The following ODF2 variants were observed in gnomAD, a reference collection of about 807,000 sequenced individuals.
The protein encoded by ODF2 is outer dense fiber of sperm tails 2, also known as outer dense fiber protein 2.
In ODF2, 47 loss-of-function variants were observed where a neutral mutation model predicts 110.2. The observed-to-expected ratio is 0.43, with a 90% CI of 0.34 to 0.54. The LOEUF (loss-of-function observed/expected upper bound fraction) is 0.54. ODF2 is among the 20% of genes least tolerant of loss of function. The probability of loss-of-function intolerance (pLI) is 0.03; values close to 1 mark genes in which losing one functional copy is unlikely to be tolerated. For synonymous variants in ODF2, 352 were observed against 397.7 expected, an observed-to-expected ratio of 0.89 and a Z score of 1.37; for missense variants, 812 against 1,054.5, an observed-to-expected ratio of 0.77 and a Z score of 3.19.
At chr9:128,470,127 G>T (rs1269757731) in intron 5 of ODF2, among the ~76,000 whole-genome samples, 2 of 145,254 alleles carry the variant, frequency 1.4e-5, no homozygotes, top group Admixed American at 1.4e-4. Flanking sequence ...TCTTGGGGTG[G>T]GATGTGACAA....
rs115857866 is a variant in ODF2 at position 128,456,564 on chromosome 9, C to T, written c.-209+309C>T. 2.3e-3 allele frequency: 3,565 copies of T among 1,527,266 alleles called. 70 individuals carry two copies. In the African/African-American group the frequency reaches 0.043, roughly 18 times the overall value. The allele number at this position is 1,527,266 out of a possible 1,614,324, so 94.6% of individuals were successfully genotyped here. On this transcript the variant is annotated intron_variant, in intron 1 of 20. Transcript: ENST00000604420. ...CTCTCTATGGGCAGAAACCGGTACC[C>T]TCCTGCCTGCTGGTGGGTGGCCGTC...
chr9:128,496,486 T>C (rs926295203), intron 18 of ODF2, among the ~76,000 whole-genome samples: 1 of 152,212 alleles, frequency 6.6e-6, no homozygotes, highest in African/African-American at 2.4e-5. Flanking sequence ...CCCACTCTTT[T>C]CTGCCCTTTC....
intron 18 of ODF2, 137 bp from the exon 19 acceptor site, chr9:128,498,276 T>C: frequency 7.5e-7 from 1 of 1,333,670 alleles, no homozygotes; most frequent in Non-Finnish European, 9.8e-7. Context: ...GCAGATTTCT[T>C]TGGCTTATTC....
intron 1 of ODF2, 174 bp downstream of exon 1, chr9:128,456,429 C>G: frequency 1.3e-6 from 2 of 1,497,484 alleles, no homozygotes; most frequent in Non-Finnish European, 1.8e-6. Flanking sequence ...CGCCCACCGG[C>G]GCGGGGCCTC....
upstream of ODF2, chr9:128,456,077 G>A (rs931484311): frequency 6.5e-7 from 1 of 1,536,670 alleles, no homozygotes; most frequent in African/African-American, 1.4e-5. Context: ...CTCCCGGGGG[G>A]GTTTGAACTG....
intron 1 of ODF2, chr9:128,456,659 T>A: frequency 6.8e-7 from 1 of 1,471,332 alleles, no homozygotes; most frequent in Non-Finnish European, 9.0e-7. Flanking sequence ...GACCGCCTCG[T>A]CCTCTCCTCG....
chr9:128,460,928 G>T lies in ODF2; in HGVS notation c.124-14G>T, dbSNP rs1836281674. On this transcript the variant is annotated splice_polypyrimidine_tract_variant and intron_variant, in intron 3 of 20. Transcript: ENST00000604420. ...TGGGTGTGGAAGTGACCCTGGGTTT[G>T]TCCCTTTCCACAGAAATCTCACAAG... The T allele has an allele frequency of 1.2e-6, 2 of 1,614,072 alleles. No individual in the cohort carries two copies. Among genetic ancestry groups the T allele is most frequent in the Admixed American group, 3.3e-5 (2 of 60,002 alleles).
intron 17 of ODF2, among the ~76,000 whole-genome samples, chr9:128,495,169 T>G (rs1189138732): frequency 6.6e-6 from 1 of 152,242 alleles, no homozygotes; most frequent in African/African-American, 2.4e-5. Flanking sequence ...TCCAAGAAAT[T>G]ATATACCACT....
At chr9:128,486,144 T>C (rs1416469779) in intron 13 of ODF2, among the ~76,000 whole-genome samples, 2 of 152,084 alleles carry the variant, frequency 1.3e-5, no homozygotes, top group African/African-American at 4.8e-5. Context: ...CTCTACTCTG[T>C]AGAGGAGATA....
chr9:128,481,585 T>C (rs1228482882), exon 9 of ODF2: 1 of 1,613,472 alleles, frequency 6.2e-7, no homozygotes, highest in Admixed American at 1.7e-5. Flanking sequence ...TGAAGGATTC[T>C]GAAAGACTAA....
chr9:128,467,764 C>T (rs1838648070), intron 4 of ODF2, among the ~76,000 whole-genome samples: 1 of 124,144 alleles, frequency 8.1e-6, no homozygotes, highest in Admixed American at 8.3e-5. Flanking sequence ...AAAAAAAAAG[C>T]AAAGTGTTTA....
In ODF2 at chr9:128,464,358, A is replaced by T. The variant is rs189215967; in HGVS notation, c.249+3291A>T. ...TTTAATAGAGACGGGGTTTCACCAT[A>T]TTGGCCAGGCTGGTCTCGAACTCTT... On this transcript the variant is annotated intron_variant, in intron 4 of 20. Transcript: ENST00000604420. Among the ~76,000 whole-genome samples, 724 of 144,084 alleles carry T rather than the reference A, an allele frequency of 5.0e-3. 4 individuals are homozygous for T. Among genetic ancestry groups the T allele is most frequent in the African/African-American group, 0.018 (687 of 38,578 alleles). 94.5% of individuals were successfully genotyped at this position (144,084 alleles called of 152,430 possible).
At chr9:128,473,817 A>G (rs887367498) in intron 8 of ODF2, 76 bp downstream of exon 8, 1 of 1,414,112 alleles carries the variant, frequency 7.1e-7, no homozygotes, top group Non-Finnish European at 9.8e-7. Flanking sequence ...TGTCTGTAAA[A>G]AGAAAATAAG....
At position 128,459,637 on chromosome 9, in the gene ODF2, G is replaced by A. The variant is rs143901110; in HGVS notation, c.103G>A (p.Ala35Thr). The A allele has an allele frequency of 4.8e-4, 779 of 1,613,220 alleles. 1 individual carries two copies. The highest frequency in any genetic ancestry group is 1.6e-3 in the Middle Eastern group (10 of 6,080). ...AAAGGTCTTGAGAGCACCTTGTGGCGCACCCAGTGTAACTGTGACGGTAGG... is the reference window on the plus strand; with the variant it reads ...AAAGGTCTTGAGAGCACCTTGTGGCACACCCAGTGTAACTGTGACGGTAGG... Residue 35 changes from alanine to threonine, a missense_variant, in exon 3 of 21, where the codon GCA becomes ACA. By Grantham distance (58) the Ala-to-Thr change is moderately conservative. Coordinates refer to ENST00000604420, the Ensembl canonical transcript of ODF2.
At chr9:128,455,961 T>A (rs1834668565), upstream of ODF2, 1 of 1,409,062 alleles carries the variant, frequency 7.1e-7, no homozygotes. Context: ...GCGTAGCACG[T>A]CTCCTTGGTG....
At chr9:128,489,593 GTA>G (rs2132156023) in intron 14 of ODF2, among the ~76,000 whole-genome samples, 1 of 152,292 alleles carries the variant, frequency 6.6e-6, no homozygotes, top group African/African-American at 2.4e-5. Context: ...GCGCTCTAGG[GTA>G]TGTCGTTATA....
At chr9:128,493,433 A>G (rs542700116) in intron 16 of ODF2, among the ~76,000 whole-genome samples, 1 of 152,320 alleles carries the variant, frequency 6.6e-6, no homozygotes, top group East Asian at 1.9e-4. Flanking sequence ...TGGAGCATCC[A>G]AGTAGACAGA....
chr9:128,488,536 T>A (rs1843871066), intron 14 of ODF2, among the ~76,000 whole-genome samples: 1 of 152,220 alleles, frequency 6.6e-6, no homozygotes. Context: ...ATGAGGTCCT[T>A]GTGAGAATGT....
rs1040420174 is a variant in ODF2, at chr9:128,485,607, T to G, written c.1400+133T>G. ...CTCCGGGTTGGGGGCTGCACTGGGC[T>G]GTGATGTGGGTAGCCCTGAGCTGGG... On this transcript the variant is annotated intron_variant, in intron 13 of 20. Transcript: ENST00000604420. This position sits in a 1 kb window ranked among gnomAD's most constrained non-coding sequence, Gnocchi z 5.0. The G allele has an allele frequency of 1.6e-6, 1 of 609,460 alleles. No homozygotes were observed. The highest frequency in any genetic ancestry group is 3.0e-6 in the Non-Finnish European group (1 of 335,766). 37.8% of individuals were successfully genotyped at this position (609,460 alleles called of 1,614,324 possible).
Sources: gnomAD v4.1 joint callset for allele counts (sites outside exome capture counted in the v4.1 genomes callset) on GRCh38, gnomAD v4.1.1 for gene constraint, Gnocchi (gnomAD v3.1) non-coding constraint, MANE v1.5 for transcripts, NCBI Gene and HGNC (gene_info 2026-07-23, HGNC 2026-07-21) for gene names.